The following ABCD3 variants were observed in gnomAD, a reference collection of about 807,000 sequenced individuals.
The protein encoded by ABCD3 is ATP-binding cassette sub-family D member 3.
Under a neutral mutation model 105.5 loss-of-function variants are expected in ABCD3, and 41 were observed. That is an observed-to-expected ratio of 0.39 (90% CI 0.30 to 0.50). The LOEUF is 0.50. ABCD3 is among the 20% of genes least tolerant of loss of function. ABCD3 has a pLI of 0.84. For missense variants in ABCD3, 622 were observed against 806.3 expected, an observed-to-expected ratio of 0.77 and a Z score of 2.77; for synonymous variants, 258 against 269.0, an observed-to-expected ratio of 0.96 and a Z score of 0.40.
chr1:94,457,318 A>G (rs1647624627), intron 1 of ABCD3, among the ~76,000 whole-genome samples: 7 of 152,224 alleles, frequency 4.6e-5, no homozygotes. Flanking sequence ...ATTAGAAATA[A>G]TAATAATCTA....
the ABCD3 span, among the ~76,000 whole-genome samples, chr1:94,405,541 T>A: frequency 6.6e-6 from 1 of 152,138 alleles, no homozygotes; most frequent in African/African-American, 2.4e-5. Flanking sequence ...CCACCTCAGG[T>A]GATCCACCTG....
rs1319086344 is a variant in ABCD3 at position 94,507,810 on chromosome 1, T to C, written c.1845+1168T>C. Among the ~76,000 whole-genome samples, 1,313 of 146,482 alleles carry C rather than the reference T, an allele frequency of 9.0e-3. 26 individuals carry two copies. The highest frequency in any genetic ancestry group is 0.032 in the African/African-American group (1,268 of 39,824). On this transcript the variant is annotated intron_variant, in intron 21 of 22. Coordinates refer to ENST00000370214, the MANE Select transcript of ABCD3 (RefSeq NM_002858.4). Reference sequence around the variant, plus strand: ...TCTTCTTTTGAGAAGTGTCTGTTCATGTCCTTCGCCCACTTTTTGATGGGG... The same window carrying C: ...TCTTCTTTTGAGAAGTGTCTGTTCACGTCCTTCGCCCACTTTTTGATGGGG...
intron 20 of ABCD3, among the ~76,000 whole-genome samples, chr1:94,505,789 G>A (rs554143046): frequency 1.3e-5 from 2 of 152,100 alleles, no homozygotes; most frequent in Non-Finnish European, 2.9e-5. Context: ...CAAGAAGGAT[G>A]GAGTGGTCTT....
chr1:94,392,248 A>G, the ABCD3 span, among the ~76,000 whole-genome samples: 2 of 152,204 alleles, frequency 1.3e-5, no homozygotes, highest in Non-Finnish European at 2.9e-5. Context: ...GTTCGTTCCC[A>G]GTGGAAGCCT....
intron 1 of ABCD3, among the ~76,000 whole-genome samples, chr1:94,457,429 T>C (rs1342821033): frequency 6.6e-6 from 1 of 152,160 alleles, no homozygotes; most frequent in Non-Finnish European, 1.5e-5. Flanking sequence ...ATTCGGCAGA[T>C]CATCGGAGTT....
chr1:94,418,854 A>G, intron 1 of ABCD3: 2 of 530,088 alleles, frequency 3.8e-6, no homozygotes, highest in Non-Finnish European at 6.7e-6. Context: ...GCGCCCAGCC[A>G]GCACTCAGGC....
intron 7 of ABCD3, 57 bp downstream of exon 7, chr1:94,475,794 A>G: frequency 2.8e-6 from 4 of 1,407,344 alleles, no homozygotes; most frequent in Non-Finnish European, 3.0e-6. Flanking sequence ...TTTTGAATCT[A>G]AGCAAATTTA....
intron 1 of ABCD3, among the ~76,000 whole-genome samples, chr1:94,433,993 A>G (rs1257947091): frequency 6.6e-6 from 1 of 152,168 alleles, no homozygotes; most frequent in Non-Finnish European, 1.5e-5. Context: ...AAAATATGGC[A>G]TAAAAGATCA....
the ABCD3 span, among the ~76,000 whole-genome samples, chr1:94,404,180 A>T: frequency 6.6e-6 from 1 of 152,112 alleles, no homozygotes; most frequent in Non-Finnish European, 1.5e-5. Flanking sequence ...TTCGTCAGTG[A>T]TAACTCTAGA....
At chr1:94,414,133 T>C (rs564194534), upstream of ABCD3, among the ~76,000 whole-genome samples, 5 of 152,140 alleles carry the variant, frequency 3.3e-5, no homozygotes, top group South Asian at 4.2e-4. Flanking sequence ...GTTAGAGAGG[T>C]AGGCAGAGCT....
intron 7 of ABCD3, among the ~76,000 whole-genome samples, chr1:94,476,923 G>GTGTATGCA: frequency 6.6e-6 from 1 of 151,882 alleles, no homozygotes; most frequent in East Asian, 2.0e-4. Flanking sequence ...GTATGTGTGT[G>GTGTATGCA]TGTATGCATG....
At chr1:94,500,011 G>T (rs935112442) in intron 20 of ABCD3, among the ~76,000 whole-genome samples, 2 of 152,070 alleles carry the variant, frequency 1.3e-5, no homozygotes, top group Non-Finnish European at 2.9e-5. Flanking sequence ...AATAGCTGAA[G>T]GTATTAGAAA....
At chr1:94,475,800 A>G in intron 7 of ABCD3, 63 bp downstream of exon 7, 1 of 1,360,894 alleles carries the variant, frequency 7.3e-7, no homozygotes, top group Non-Finnish European at 1.0e-6. Flanking sequence ...ATCTAAGCAA[A>G]TTTATATAGA....
intron 2 of ABCD3, 112 bp from the exon 3 acceptor site, chr1:94,464,663 T>G (rs1570778707): frequency 1.1e-6 from 1 of 924,896 alleles, no homozygotes; most frequent in Non-Finnish European, 1.8e-6. Flanking sequence ...GTTTTGTAAA[T>G]TCAGTTTTTA....
chr1:94,452,855 GC>G (rs1647324301), intron 1 of ABCD3, among the ~76,000 whole-genome samples: 1 of 152,072 alleles, frequency 6.6e-6, no homozygotes, highest in Admixed American at 6.5e-5. Context: ...TCATGCCTCA[GC>G]CTCCCAAGTT....
intron 16 of ABCD3, among the ~76,000 whole-genome samples, chr1:94,497,799 G>A (rs1413206184): frequency 6.6e-6 from 1 of 152,108 alleles, no homozygotes; most frequent in Admixed American, 6.6e-5. Context: ...TTAACCAAAG[G>A]GGAGTGTTTA....
chr1:94,416,682 A>T (rs1477315210), upstream of ABCD3, among the ~76,000 whole-genome samples: 1 of 152,080 alleles, frequency 6.6e-6, no homozygotes, highest in Non-Finnish European at 1.5e-5. Context: ...AGAAACCAGA[A>T]CCTCTATCCC....
chr1:94,398,162 G>A, the ABCD3 span, among the ~76,000 whole-genome samples: 1 of 151,918 alleles, frequency 6.6e-6, no homozygotes, highest in African/African-American at 2.4e-5. Context: ...TCCAGGTATG[G>A]CAAATGAAAG....
At chr1:94,484,895 T>C (rs1557682268) in intron 10 of ABCD3, among the ~76,000 whole-genome samples, 1 of 152,178 alleles carries the variant, frequency 6.6e-6, no homozygotes, top group East Asian at 1.9e-4. Flanking sequence ...GAAAATACAA[T>C]AAAGATTATT....
Sources: gnomAD v4.1 joint callset for allele counts (sites outside exome capture counted in the v4.1 genomes callset) on GRCh38, gnomAD v4.1.1 for gene constraint, MANE v1.5 for transcripts, NCBI Gene and HGNC (gene_info 2026-07-23, HGNC 2026-07-21) for gene names.